The following CDKL5 variants were observed in gnomAD, a reference collection of about 807,000 sequenced individuals.
The protein encoded by CDKL5 is cyclin dependent kinase like 5, also known as cyclin-dependent kinase-like 5.
CDKL5 carries 8 observed loss-of-function variants against 61.7 expected under a neutral mutation model. The ratio of observed to expected loss-of-function variants is 0.13; its 90% CI spans 0.08 to 0.23. The LOEUF is 0.23. Among genes scored for constraint, CDKL5 ranks in the 10% least tolerant of loss-of-function variants. The pLI, the probability that CDKL5 is intolerant of heterozygous loss-of-function variation, is 1.00. For synonymous variants in CDKL5, 275 were observed against 272.3 expected (o/e 1.01, Z -0.10); for missense variants, 440 against 734.5 (o/e 0.60, Z 4.63).
At chrX:18,642,880 A>G (rs968829538), downstream of CDKL5, among the ~76,000 whole-genome samples, 12 of 110,582 alleles carry the variant, frequency 1.1e-4, no homozygotes, top group Middle Eastern at 4.2e-3. Flanking sequence ...CGTCTCTACT[A>G]AAAATACAAA....
intron 1 of CDKL5, among the ~76,000 whole-genome samples, chrX:18,487,590 T>C (rs1459487817): frequency 8.9e-6 from 1 of 112,953 alleles, no homozygotes; most frequent in African/African-American, 3.2e-5. Flanking sequence ...TGAGCCGCTG[T>C]GCCTGGCTGT....
At chrX:18,521,855 T>C (rs1017411348) in intron 3 of CDKL5, among the ~76,000 whole-genome samples, 13 of 112,046 alleles carry the variant, frequency 1.2e-4, no homozygotes, top group Non-Finnish European at 2.4e-4. Flanking sequence ...GCCATAGACA[T>C]GTGGGTTTGT....
intron 1 of CDKL5, among the ~76,000 whole-genome samples, chrX:18,482,300 G>A (rs1921612262): frequency 8.9e-6 from 1 of 111,865 alleles, no homozygotes; most frequent in African/African-American, 3.2e-5. Context: ...TATGGAAACA[G>A]CATTAGGTAA....
At chrX:18,486,231 C>T (rs1287079886) in intron 1 of CDKL5, among the ~76,000 whole-genome samples, 1 of 111,921 alleles carries the variant, frequency 8.9e-6, no homozygotes, top group Non-Finnish European at 1.9e-5. Context: ...AGCTAAACTT[C>T]TGTTCTTGTC....
chrX:18,585,780 G>A (rs1329109272), intron 8 of CDKL5, among the ~76,000 whole-genome samples: 1 of 111,971 alleles, frequency 8.9e-6, no homozygotes, highest in Admixed American at 9.5e-5. Context: ...AATAAAATTA[G>A]ATATAGTGAT....
At position 18,493,307 on chromosome X, in the gene CDKL5, T is replaced by G. The variant is rs183972482; in HGVS notation, c.-162-13628T>G. Among the ~76,000 whole-genome samples, 100 of 112,347 alleles carry G rather than the reference T, an allele frequency of 8.9e-4. 2 individuals are homozygous for G. The highest frequency in any genetic ancestry group is 3.2e-3 in the African/African-American group (99 of 31,021). On this transcript the variant is annotated intron_variant, in intron 1 of 17. Transcript: ENST00000623535. ...ATTAAGCTCTATGAGATAGGGATCT[T>G]GTCTGTTTTCTTTACTGTTATGTCC... is the stretch of plus-strand genomic sequence containing the variant.
intron 3 of CDKL5, among the ~76,000 whole-genome samples, chrX:18,549,147 A>G (rs760789897): frequency 1.8e-5 from 2 of 112,101 alleles, no homozygotes. Flanking sequence ...GTATATACGC[A>G]TGGGTCTGGC....
intron 1 of CDKL5, among the ~76,000 whole-genome samples, chrX:18,458,018 T>C (rs1195063774): frequency 9.6e-6 from 1 of 103,630 alleles, no homozygotes; most frequent in African/African-American, 3.6e-5. Context: ...CCTCCTGGGT[T>C]CAAGAGATTC....
chrX:18,540,546 T>C, intron 3 of CDKL5, among the ~76,000 whole-genome samples: 1 of 111,819 alleles, frequency 8.9e-6, no homozygotes, highest in Non-Finnish European at 1.9e-5. Context: ...GCTAGCTACT[T>C]CTCTTTGTTT....
At chrX:18,587,171 G>T (rs1035786662) in intron 8 of CDKL5, among the ~76,000 whole-genome samples, 2 of 111,095 alleles carry the variant, frequency 1.8e-5, no homozygotes, top group Non-Finnish European at 3.8e-5. Flanking sequence ...ACGCGTGTGT[G>T]TGTGGTTTCT....
intron 1 of CDKL5, chrX:18,426,055 G>A (rs1378955246): frequency 5.3e-5 from 6 of 112,395 alleles, no homozygotes; most frequent in African/African-American, 1.6e-4. Flanking sequence ...CCCGCGGCAC[G>A]AGCTCCCCGG....
chrX:18,517,822 A>G (rs1253628385), intron 3 of CDKL5, among the ~76,000 whole-genome samples: 1 of 111,868 alleles, frequency 8.9e-6, no homozygotes, highest in African/African-American at 3.2e-5. Context: ...CCTGGCCAAC[A>G]TGGTGAAACC....
chrX:18,483,418 C>T (rs190459641), intron 1 of CDKL5, among the ~76,000 whole-genome samples: 26 of 110,388 alleles, frequency 2.4e-4, no homozygotes, highest in Admixed American at 1.3e-3. Context: ...ACTGCTTGTT[C>T]ATCATCTTTT....
At chrX:18,649,707 A>C (rs1329602034) in intron 20 of CDKL5, among the ~76,000 whole-genome samples, 3 of 112,086 alleles carry the variant, frequency 2.7e-5, no homozygotes, top group Non-Finnish European at 1.9e-5. Flanking sequence ...CCAACTTTTG[A>C]AAGTGCACCT....
rs1017877814 is a variant in CDKL5 at position 18,630,026 on chromosome X, A to G, written c.*1269A>G. On this transcript the variant is annotated 3_prime_UTR_variant, in exon 18 of 18. Transcript: ENST00000623535. ...TCTTGGCTGATGGGGTGTGAGATAT[A>G]TGTGTGGCATTTCTATTTCTGAATG... 2.7e-6 allele frequency: 2 copies of G among 751,915 alleles called. No individual in the cohort carries two copies. Among genetic ancestry groups the G allele is most frequent in the East Asian group, 1.5e-4 (1 of 6,604 alleles). 62.0% of individuals were successfully genotyped at this position (751,915 alleles called of 1,213,427 possible).
chrX:18,455,968 A>G (rs1310584364), intron 1 of CDKL5, among the ~76,000 whole-genome samples: 1 of 111,889 alleles, frequency 8.9e-6, no homozygotes, highest in Non-Finnish European at 1.9e-5. Context: ...TCTGATCCAC[A>G]GTTGATACCC....
chrX:18,516,422 A>G (rs1334021822), intron 3 of CDKL5, among the ~76,000 whole-genome samples: 1 of 110,705 alleles, frequency 9.0e-6, no homozygotes, highest in Non-Finnish European at 1.9e-5. Flanking sequence ...TGCTGATCCA[A>G]TTAATTGTAG....
At chrX:18,537,396 C>T (rs1923879991) in intron 3 of CDKL5, among the ~76,000 whole-genome samples, 1 of 111,906 alleles carries the variant, frequency 8.9e-6, no homozygotes, top group Non-Finnish European at 1.9e-5. Context: ...ATAATAGATT[C>T]CTTATATCCT....
intron 19 of CDKL5, chrX:18,645,898 A>G: frequency 8.5e-7 from 1 of 1,170,950 alleles, no homozygotes; most frequent in East Asian, 3.0e-5. Flanking sequence ...CCCCCTAACC[A>G]AACTCTGGTC....
Sources: allele counts gnomAD v4.1 joint callset (sites outside exome capture counted in the v4.1 genomes callset), GRCh38; gene constraint gnomAD v4.1.1; transcripts MANE v1.5; gene names NCBI Gene and HGNC (gene_info 2026-07-23, HGNC 2026-07-21).